Variants in FRAS1 observed in about 807,000 individuals in gnomAD.
FRAS1 encodes the protein Fraser extracellular matrix complex subunit 1.
FRAS1 carries 290 observed loss-of-function variants against 435.2 expected under a neutral mutation model. The ratio of observed to expected loss-of-function variants is 0.67; its 90% CI spans 0.61 to 0.73. FRAS1 has a LOEUF of 0.73. FRAS1 is among the 30% of genes least tolerant of loss of function. The probability of loss-of-function intolerance (pLI) is 0.00; values close to 1 mark genes in which losing one functional copy is unlikely to be tolerated. For missense variants in FRAS1, 4,860 were observed against 5,001.5 expected, an observed-to-expected ratio of 0.97 and a Z score of 0.85; for synonymous variants, 1,800 against 1,851.0, an observed-to-expected ratio of 0.97 and a Z score of 0.71.
At chr4:78,194,986 T>C (rs1245271347) in intron 2 of FRAS1, among the ~76,000 whole-genome samples, 2 of 152,224 alleles carry the variant, frequency 1.3e-5, no homozygotes, top group Admixed American at 6.5e-5. Context: ...GTTTTCCTTC[T>C]AACAGTCAGG....
chr4:78,509,095 T>C (rs1720948652), intron 63 of FRAS1, 89 bp downstream of exon 63: 1 of 1,399,204 alleles, frequency 7.1e-7, no homozygotes, highest in South Asian at 1.2e-5. Context: ...TTCCTTATGG[T>C]CCATGCATGG....
intron 14 of FRAS1, among the ~76,000 whole-genome samples, chr4:78,289,955 G>A (rs192224499): frequency 3.9e-5 from 6 of 152,186 alleles, no homozygotes; most frequent in African/African-American, 1.4e-4. Context: ...AAAAACTCAG[G>A]TATTAAATCT....
Position 78,500,099 on chromosome 4 carries a change from T to TG in FRAS1, c.9316+183dup, listed in dbSNP as rs527648146. Among the ~76,000 whole-genome samples, 809 of 152,222 alleles carry TG rather than the reference T, an allele frequency of 5.3e-3. 8 individuals are homozygous for TG. The highest frequency in any genetic ancestry group is 0.019 in the African/African-American group (788 of 41,546). On this transcript the variant is annotated intron_variant, in intron 61 of 73. Transcript: ENST00000512123. ...AAATTTCTAATTCGTAAAAATGACA[T>TG]GGGGGAAAAAGAAATAGGTCTCTTA...
chr4:78,522,920 G>A, intron 69 of FRAS1, 112 bp downstream of exon 69: 1 of 1,002,192 alleles, frequency 1.0e-6, no homozygotes. Context: ...TTTTAAAAGG[G>A]GAATTGATAG....
intron 54 of FRAS1, among the ~76,000 whole-genome samples, chr4:78,475,839 T>G (rs1719838143): frequency 6.6e-6 from 1 of 152,250 alleles, no homozygotes; most frequent in African/African-American, 2.4e-5. Flanking sequence ...CTTCTCAGTC[T>G]TTACATTTTG....
chr4:78,132,872 T>C (rs35374567), intron 2 of FRAS1, among the ~76,000 whole-genome samples: 25,534 of 152,112 alleles, frequency 0.17, 2,321 homozygotes, highest in Admixed American at 0.21. Flanking sequence ...ATGGAAGGAA[T>C]GGTTCTGCGT....
chr4:78,522,085 C>T (rs953224594), intron 68 of FRAS1, among the ~76,000 whole-genome samples: 2 of 152,078 alleles, frequency 1.3e-5, no homozygotes, highest in African/African-American at 4.8e-5. Context: ...GCTTTAGTTT[C>T]TTTTAATCTA....
At chr4:78,196,975 GA>G (rs1424803338) in intron 2 of FRAS1, among the ~76,000 whole-genome samples, 1 of 152,200 alleles carries the variant, frequency 6.6e-6, no homozygotes, top group Non-Finnish European at 1.5e-5. Context: ...ACAAGAGAGA[GA>G]AGTGGAGGGG....
chr4:78,125,180 T>C (rs573956315), intron 2 of FRAS1, among the ~76,000 whole-genome samples: 4 of 152,342 alleles, frequency 2.6e-5, no homozygotes, highest in South Asian at 2.1e-4. Flanking sequence ...GTGATTTTGG[T>C]ACGTTGTGTC....
intron 33 of FRAS1, among the ~76,000 whole-genome samples, chr4:78,420,549 A>G (rs1163655035): frequency 6.6e-6 from 1 of 152,244 alleles, no homozygotes; most frequent in Non-Finnish European, 1.5e-5. Context: ...TACAGCATTT[A>G]TCACAAGCAG....
chr4:78,505,934 T>G (rs769248462), intron 61 of FRAS1, among the ~76,000 whole-genome samples: 2 of 152,224 alleles, frequency 1.3e-5, no homozygotes, highest in Non-Finnish European at 2.9e-5. Flanking sequence ...TCCTTTTTGT[T>G]GATGTTGCTG....
intron 53 of FRAS1, among the ~76,000 whole-genome samples, chr4:78,473,802 T>TTA (rs10644413): frequency 0.57 from 86,279 of 151,830 alleles, 26,453 homozygotes; most frequent in South Asian, 0.82. Context: ...ATGCATCATC[T>TTA]TATATAATAC....
At chr4:78,491,888 G>C (rs1249292098) in intron 59 of FRAS1, among the ~76,000 whole-genome samples, 1 of 152,164 alleles carries the variant, frequency 6.6e-6, no homozygotes, top group Non-Finnish European at 1.5e-5. Flanking sequence ...TGACATAATT[G>C]TATATTTAGA....
chr4:78,194,785 C>G (rs1186096488), intron 2 of FRAS1, among the ~76,000 whole-genome samples: 2 of 152,226 alleles, frequency 1.3e-5, no homozygotes, highest in Admixed American at 1.3e-4. Flanking sequence ...CAAAGTCACT[C>G]TCCATCCAGC....
intron 2 of FRAS1, among the ~76,000 whole-genome samples, chr4:78,125,381 C>A (rs777398016): frequency 6.6e-6 from 1 of 152,142 alleles, no homozygotes; most frequent in African/African-American, 2.4e-5. Context: ...TGTTTTTTTA[C>A]ATTTGCTGAG....
At chr4:78,502,190 T>G (rs775527343) in intron 61 of FRAS1, among the ~76,000 whole-genome samples, 1 of 152,200 alleles carries the variant, frequency 6.6e-6, no homozygotes, top group South Asian at 2.1e-4. Context: ...AGGACTGTCT[T>G]GGCAATGAGG....
chr4:78,429,149 C>T lies in FRAS1; in HGVS notation c.4766C>T (p.Pro1589Leu). The change falls in exon 36 of 74, where the codon CCC (proline) becomes CTC (leucine). Residue 1589 changes from proline to leucine, a missense_variant. Physicochemically the swap from Pro to Leu is moderately conservative, Grantham distance 98. Transcript: ENST00000512123. ...ATGGTCCTCACCATTCACTTACTTCCCAGTGATCAGCAACTGCCAGTGTTC... is the reference window on the plus strand; with the variant it reads ...ATGGTCCTCACCATTCACTTACTTCTCAGTGATCAGCAACTGCCAGTGTTC... ...PEMVLTIHLL[P>L]SDQQLPVFQV... 1 of 1,588,260 alleles carries T rather than the reference C, an allele frequency of 6.3e-7. No homozygotes were observed. Among genetic ancestry groups the T allele is most frequent in the South Asian group, 1.2e-5 (1 of 86,418 alleles).
At chr4:78,183,084 G>A (rs181345801) in intron 2 of FRAS1, among the ~76,000 whole-genome samples, 1 of 152,218 alleles carries the variant, frequency 6.6e-6, no homozygotes, top group African/African-American at 2.4e-5. Context: ...CAATGCCGCA[G>A]AAGTCTCTGA....
At chr4:78,076,887 T>C (rs1740663279) in intron 2 of FRAS1, among the ~76,000 whole-genome samples, 1 of 152,210 alleles carries the variant, frequency 6.6e-6, no homozygotes, top group Non-Finnish European at 1.5e-5. Flanking sequence ...CTTACTCTGT[T>C]CATTTATGAT....
Sources: allele counts gnomAD v4.1 joint callset (sites outside exome capture counted in the v4.1 genomes callset), GRCh38; gene constraint gnomAD v4.1.1; transcripts MANE v1.5; gene names NCBI Gene and HGNC (gene_info 2026-07-23, HGNC 2026-07-21).